TMEM9B: variants seen among roughly 807,000 people sequenced by gnomAD.
TMEM9B encodes the protein transmembrane protein 9B.
A neutral mutation model predicts 23.5 loss-of-function variants in TMEM9B; 8 were observed. The observed-to-expected ratio is 0.34, with a 90% CI of 0.20 to 0.61. The LOEUF (loss-of-function observed/expected upper bound fraction) is 0.61, where lower values mean the gene tolerates loss of function less well. Ranked by LOEUF, TMEM9B falls within the 20% of genes least tolerant of loss-of-function variation. The pLI, the probability that TMEM9B is intolerant of heterozygous loss-of-function variation, is 0.78. For synonymous variants in TMEM9B, 106 were observed against 96.3 expected, an observed-to-expected ratio of 1.10 and a Z score of -0.59; for missense variants, 197 against 252.3, an observed-to-expected ratio of 0.78 and a Z score of 1.49.
rs1484905731 is a variant in TMEM9B, at chr11:8,958,562, TGTTAG to T, written c.198-2269_198-2265del. 5.4e-5 allele frequency among the ~76,000 whole-genome samples: 7 copies of T among 130,454 alleles called. No homozygotes were observed. In the South Asian group the frequency reaches 1.5e-3, roughly 28 times the overall value. The allele number at this position is 130,454 out of a possible 152,430, so 85.6% of individuals were successfully genotyped here. ...AACCAAAACGGTATATGATAGAAGT[TGTTAG>T]GTTATTCTTTTTTTTTTTTTTTGAG... is the stretch of plus-strand genomic sequence containing the variant. On this transcript the variant is annotated intron_variant, in intron 2 of 4. Transcript: ENST00000534025.
chr11:8,948,275 G>T lies in TMEM9B; in HGVS notation c.*45C>A. The T allele has an allele frequency of 6.3e-7, 1 of 1,591,184 alleles. No homozygotes were observed. Among genetic ancestry groups the T allele is most frequent in the Non-Finnish European group, 8.6e-7 (1 of 1,166,928 alleles). On this transcript the variant is annotated 3_prime_UTR_variant, in exon 5 of 5. Coordinates refer to ENST00000534025, the MANE Select transcript of TMEM9B (RefSeq NM_020644.3). ...AGCAAAACCCAGTCAGTTCTTTCCA[G>T]TTGTCTGCCTGTTTCTTTCTAGTCA...
chr11:8,952,204 A>T (rs1337886591), intron 4 of TMEM9B, among the ~76,000 whole-genome samples: 1 of 151,928 alleles, frequency 6.6e-6, no homozygotes. Context: ...ATATTAAAAC[A>T]AAAAGGAGAC....
intron 3 of TMEM9B, among the ~76,000 whole-genome samples, chr11:8,954,937 G>C (rs1052929199): frequency 8.5e-5 from 13 of 152,056 alleles, no homozygotes; most frequent in Non-Finnish European, 1.8e-4. Flanking sequence ...TGGACCACGA[G>C]GTCAGGAGTT....
At chr11:8,953,756 G>GTAA (rs1471494418) in intron 3 of TMEM9B, among the ~76,000 whole-genome samples, 1 of 152,130 alleles carries the variant, frequency 6.6e-6, no homozygotes, top group East Asian at 1.9e-4. Context: ...CCCACTAGAA[G>GTAA]GACTACAATA....
chr11:8,955,674 G>A (rs1853962086), intron 3 of TMEM9B, among the ~76,000 whole-genome samples: 1 of 150,632 alleles, frequency 6.6e-6, no homozygotes, highest in Non-Finnish European at 1.5e-5. Context: ...TGCGAATGAT[G>A]GGGAGCAGCT....
chr11:8,948,527 A>G (rs1459456897), intron 4 of TMEM9B, 52 bp from the exon 5 acceptor site: 1 of 1,582,184 alleles, frequency 6.3e-7, no homozygotes, highest in African/African-American at 1.3e-5. Flanking sequence ...AGTGTAAAAC[A>G]TAGACACACA....
intron 2 of TMEM9B, among the ~76,000 whole-genome samples, 171 bp from the exon 3 acceptor site, chr11:8,956,469 T>C (rs1853976513): frequency 6.6e-6 from 1 of 152,136 alleles, no homozygotes; most frequent in Non-Finnish European, 1.5e-5. Context: ...ATATTAGCAT[T>C]TTGGTAAGTT....
chr11:8,959,373 G>A, intron 2 of TMEM9B, among the ~76,000 whole-genome samples: 1 of 152,178 alleles, frequency 6.6e-6, no homozygotes, highest in East Asian at 1.9e-4. Context: ...AGGAGATCAA[G>A]GCTGCAATGA....
chr11:8,964,604 G>C (rs1854165627), upstream of TMEM9B: 2 of 595,814 alleles, frequency 3.4e-6, no homozygotes, highest in African/African-American at 3.9e-5. Context: ...GGCAGCCTGG[G>C]CCCAGTAGAG....
intron 4 of TMEM9B, 145 bp downstream of exon 4, chr11:8,953,058 C>A: frequency 1.1e-6 from 1 of 927,812 alleles, no homozygotes; most frequent in South Asian, 1.4e-5. Flanking sequence ...GAGGTATATA[C>A]TGAAATCAGA....
chr11:8,949,626 T>C (rs1372482256), intron 4 of TMEM9B, among the ~76,000 whole-genome samples: 1 of 152,218 alleles, frequency 6.6e-6, no homozygotes, highest in Non-Finnish European at 1.5e-5. Context: ...CACATAACTA[T>C]ATATACAACT....
chr11:8,960,744 C>T (rs935108019), intron 2 of TMEM9B, among the ~76,000 whole-genome samples: 2 of 151,232 alleles, frequency 1.3e-5, no homozygotes, highest in African/African-American at 2.4e-5. Flanking sequence ...TGCAGTGGCG[C>T]GATCTCGGCT....
At position 8,948,219 on chromosome 11, in the gene TMEM9B, G is replaced by A. The variant is rs890567884; in HGVS notation, c.*101C>T. The A allele has an allele frequency of 7.9e-6, 11 of 1,400,694 alleles. No homozygotes were observed. In the Admixed American group the frequency reaches 2.5e-4, roughly 31 times the overall value. 86.8% of individuals were successfully genotyped at this position (1,400,694 alleles called of 1,614,324 possible). A position where few individuals can be genotyped will look rare whatever the true frequency, so the allele number is the denominator to read the frequency against. On this transcript the variant is annotated 3_prime_UTR_variant, in exon 5 of 5. Coordinates refer to ENST00000534025, the MANE Select transcript of TMEM9B (RefSeq NM_020644.3). ...GTTTTGAATCTTCCAGCAACAGTTG[G>A]TGAAATCAACAAGGTATTAAAATGA...
In TMEM9B at chr11:8,962,695, C is replaced by T. The variant is rs1261413436; in HGVS notation, c.106-512G>A. ...GGGATGAAATGTTAGAGGCACCCAC[C>T]TACAACTAGAAAGGAAGTACACACA... On this transcript the variant is annotated intron_variant, in intron 1 of 4. Coordinates refer to ENST00000534025, the MANE Select transcript of TMEM9B (RefSeq NM_020644.3). The T allele has an allele frequency of 3.3e-5, 5 of 153,482 alleles. No individual in the cohort carries two copies. The Admixed American group carries it at 3.3e-4, about 10-fold the overall frequency. The allele number at this position is 153,482 out of a possible 1,614,324, so 9.5% of individuals were successfully genotyped here.
rs1853808639 is a variant in TMEM9B at position 8,948,244 on chromosome 11, A to T, written c.*76T>A. ...GTGAAATCAACAAGGTATTAAAATGAAACCCAGCAAAACCCAGTCAGTTCT... is the reference window on the plus strand; with the variant it reads ...GTGAAATCAACAAGGTATTAAAATGTAACCCAGCAAAACCCAGTCAGTTCT... On this transcript the variant is annotated 3_prime_UTR_variant, in exon 5 of 5. Coordinates refer to ENST00000534025, the MANE Select transcript of TMEM9B (RefSeq NM_020644.3). 6.6e-7 allele frequency: 1 copy of T among 1,510,234 alleles called. No individual in the cohort carries two copies. Among genetic ancestry groups the T allele is most frequent in the African/African-American group, 1.4e-5 (1 of 71,844 alleles). The allele number at this position is 1,510,234 out of a possible 1,614,324, so 93.6% of individuals were successfully genotyped here.
chr11:8,959,457 C>T (rs746848400), intron 2 of TMEM9B, among the ~76,000 whole-genome samples: 20 of 152,328 alleles, frequency 1.3e-4, no homozygotes, highest in Non-Finnish European at 2.6e-4. Flanking sequence ...CTGCTTCCTA[C>T]GTCAGTTCTT....
At chr11:8,958,352 C>G (rs1002957812) in intron 2 of TMEM9B, among the ~76,000 whole-genome samples, 3 of 150,776 alleles carry the variant, frequency 2.0e-5, no homozygotes, top group Non-Finnish European at 3.0e-5. Flanking sequence ...ATCCCAGCTA[C>G]TCAGGAGGCT....
chr11:8,949,764 C>T (rs1198905219), intron 4 of TMEM9B, among the ~76,000 whole-genome samples: 1 of 151,926 alleles, frequency 6.6e-6, no homozygotes, highest in Non-Finnish European at 1.5e-5. Flanking sequence ...AAAATTCCTT[C>T]AACTTTTCAC....
At chr11:8,960,751 G>A (rs991899554) in intron 2 of TMEM9B, among the ~76,000 whole-genome samples, 11 of 150,766 alleles carry the variant, frequency 7.3e-5, no homozygotes, top group African/African-American at 2.2e-4. Flanking sequence ...GCGCGATCTC[G>A]GCTCACTGCA....
Sources: gnomAD v4.1 joint callset for allele counts (sites outside exome capture counted in the v4.1 genomes callset) on GRCh38, gnomAD v4.1.1 for gene constraint, MANE v1.5 for transcripts, NCBI Gene and HGNC (gene_info 2026-07-23, HGNC 2026-07-21) for gene names.